Variants in RTL10 observed in about 807,000 individuals in gnomAD.
The protein encoded by RTL10 is protein Bop.
For missense variants in RTL10, 477 were observed against 470.7 expected (o/e 1.01, Z -0.12); for synonymous variants, 199 against 188.4 (o/e 1.06, Z -0.46).
Position 19,848,893 on chromosome 22 carries a change from G to T in RTL10, c.*2274C>A. ...CCTGTCCAGAAGCCTGTGGGACAGG[G>T]TAAAGGTCAGCTGGGTGACTAGGCT... On this transcript the variant is annotated 3_prime_UTR_variant, in exon 3 of 3. Coordinates refer to ENST00000328554, the MANE Select transcript of RTL10 (RefSeq NM_024627.6). 3 of 985,368 alleles carry T rather than the reference G, an allele frequency of 3.0e-6. No homozygotes were observed. Among genetic ancestry groups the T allele is most frequent in the Non-Finnish European group, 3.6e-6 (3 of 829,872 alleles). 61.0% of individuals were successfully genotyped at this position (985,368 alleles called of 1,614,324 possible).
chr22:19,852,050 G>A lies in RTL10; in HGVS notation c.212C>T (p.Thr71Ile), dbSNP rs1938117938. Residue 71 changes from threonine (T) to isoleucine (I), a missense_variant, in exon 3 of 3, where the codon ACT becomes ATT. Coordinates refer to ENST00000328554, the MANE Select transcript of RTL10 (RefSeq NM_024627.6). ...TMEQKSTASG[T>I]CGGKPAERGP... is the part of the protein sequence containing the mutation. ...CCTTTCTGCAGGTTTACCGCCACAA[G>A]TGCCACTAGCTGTGCTCTTCTGCTC... 6.2e-7 allele frequency: 1 copy of A among 1,614,102 alleles called. No homozygotes were observed. The highest frequency in any genetic ancestry group is 8.5e-7 in the Non-Finnish European group (1 of 1,180,048).
chr22:19,851,392 G>C lies in RTL10; in HGVS notation c.870C>G (p.Ser290=), dbSNP rs201085521. Residue 290 remains serine, a synonymous_variant, in exon 3 of 3, where the codon TCC becomes TCG. Coordinates refer to ENST00000328554, the MANE Select transcript of RTL10 (RefSeq NM_024627.6). ...GTGTGGGGGCTGCCTCCTCTGGCTG[G>C]GAAGAGGCTGGTTCCACAGGACCAG... The part of the protein sequence containing the change: ...SKPGPVEPAS[S]QPEEAAPTPV... 1.2e-6 allele frequency: 2 copies of C among 1,614,064 alleles called. No individual in the cohort carries two copies. Among genetic ancestry groups the C allele is most frequent in the African/African-American group, 2.7e-5 (2 of 75,014 alleles).
rs1938039956 is a variant in RTL10 at position 19,849,371 on chromosome 22, T to TG, written c.*1795dup. On this transcript the variant is annotated 3_prime_UTR_variant, in exon 3 of 3. Coordinates refer to ENST00000328554, the MANE Select transcript of RTL10 (RefSeq NM_024627.6). ...TCTAAATAAGGTTTTTGTTTTTTGT[T>TG]GTTTTTTTTTTTTTGGGATGGAGTT... The TG allele has an allele frequency of 1.1e-6, 1 of 879,246 alleles. No individual in the cohort carries two copies. Among genetic ancestry groups the TG allele is most frequent in the Non-Finnish European group, 1.4e-6 (1 of 738,894 alleles). The allele number at this position is 879,246 out of a possible 1,614,324, so 54.5% of individuals were successfully genotyped here.
chr22:19,852,542 G>A, intron 2 of RTL10, 56 bp from the exon 3 acceptor site: 1 of 440,872 alleles, frequency 2.3e-6, no homozygotes, highest in Non-Finnish European at 4.1e-6. Context: ...TCACCCACTG[G>A]ACTGGTGGGA....
chr22:19,851,157 T>C lies in RTL10; in HGVS notation c.*10A>G. The C allele has an allele frequency of 6.3e-7, 1 of 1,581,728 alleles. No individual in the cohort carries two copies. Among genetic ancestry groups the C allele is most frequent in the Non-Finnish European group, 8.6e-7 (1 of 1,162,996 alleles). ...CATGAGGGGCAGCATTGTTCCCACC[T>C]GGGCTGTGTTCAGAACCCAGGAGAA... On this transcript the variant is annotated 3_prime_UTR_variant, in exon 3 of 3. Coordinates refer to ENST00000328554, the MANE Select transcript of RTL10 (RefSeq NM_024627.6).
chr22:19,852,141 G>A lies in RTL10; in HGVS notation c.121C>T (p.Pro41Ser), dbSNP rs770968958. ...CGCTCAATCCAGGGATCCACAAGGG[G>A]GGTGTATGCCACCCCAGGAGACGCC... ...DKASPGVAYT[P>S]LVDPWIERPC... Residue 41 changes from proline (P) to serine (S), a missense_variant, in exon 3 of 3, where the codon CCC becomes TCC. Physicochemically the swap from Pro to Ser is moderately conservative, Grantham distance 74. Transcript: ENST00000328554. The A allele has an allele frequency of 1.9e-6, 3 of 1,614,184 alleles. No individual in the cohort carries two copies. In the East Asian group the frequency reaches 6.7e-5, roughly 36 times the overall value.
Position 19,851,055 on chromosome 22 carries a change from G to T in RTL10, c.*112C>A. 6.9e-7 allele frequency: 1 copy of T among 1,457,576 alleles called. No individual in the cohort carries two copies. The highest frequency in any genetic ancestry group is 1.5e-5 in the South Asian group (1 of 68,210). 90.3% of individuals were successfully genotyped at this position (1,457,576 alleles called of 1,614,324 possible). On this transcript the variant is annotated 3_prime_UTR_variant, in exon 3 of 3. Coordinates refer to ENST00000328554, the MANE Select transcript of RTL10 (RefSeq NM_024627.6). ...ACAAGCGCATCTTGCCCAGCTATGG[G>T]GTCTGAAGTCATCTGGGGACACCAC...
rs907911373 is a variant in RTL10 at position 19,851,441 on chromosome 22, G to A, written c.821C>T (p.Pro274Leu). The A allele has an allele frequency of 1.2e-6, 2 of 1,614,046 alleles. No individual in the cohort carries two copies. Among genetic ancestry groups the A allele is most frequent in the Non-Finnish European group, 8.5e-7 (1 of 1,180,010 alleles). ...AGGCTTGGAGCTACATGTAGAACTG[G>A]GCAGGACTGGGGGCTCCTTGGGCCC... is the stretch of plus-strand genomic sequence containing the variant. Reference protein sequence around the residue: ...TPGPKEPPVLPSSTCSSKPGP... With the variant: ...TPGPKEPPVLLSSTCSSKPGP... The change falls in exon 3 of 3, where the codon CCC (proline) becomes CTC (leucine). Residue 274 changes from proline (P) to leucine (L), a missense_variant. By Grantham distance (98) the Pro-to-Leu change is moderately conservative. Transcript: ENST00000328554.
chr22:19,852,584 C>G (rs926763639), intron 2 of RTL10, 98 bp from the exon 3 acceptor site: 2 of 311,972 alleles, frequency 6.4e-6, no homozygotes, highest in Admixed American at 9.6e-5. Flanking sequence ...CTCTGGTACC[C>G]AACTAGGAGC....
chr22:19,848,952 C>T lies in RTL10; in HGVS notation c.*2215G>A. On this transcript the variant is annotated 3_prime_UTR_variant, in exon 3 of 3. Transcript: ENST00000328554. The stretch of plus-strand genomic sequence containing the variant: ...TAGAGAGCAACTCTGGGTTCTACTG[C>T]CAGACCCACAGGTGAGCCAGGCCAC... 1.0e-6 allele frequency: 1 copy of T among 985,564 alleles called. No individual in the cohort carries two copies. The highest frequency in any genetic ancestry group is 1.2e-6 in the Non-Finnish European group (1 of 830,036). The allele number at this position is 985,564 out of a possible 1,614,324, so 61.1% of individuals were successfully genotyped here.
In RTL10 at chr22:19,851,197, T is replaced by TG; in HGVS notation, c.1064dup (p.Gly356ArgfsTer116). On this transcript the variant is annotated frameshift_variant, in exon 3 of 3. Coordinates refer to ENST00000328554, the MANE Select transcript of RTL10 (RefSeq NM_024627.6). LOFTEE classifies it low-confidence loss of function (END_TRUNC). ...ACCCAGGAGAAAGTGGTGGCTCTCC[T>TG]GGGGTCTCCGGGGCCTCCACCACCT... 6.3e-7 allele frequency: 1 copy of TG among 1,592,270 alleles called. No individual in the cohort carries two copies. The highest frequency in any genetic ancestry group is 1.1e-5 in the South Asian group (1 of 88,320).
intron 2 of RTL10, among the ~76,000 whole-genome samples, chr22:19,853,420 T>C (rs1275632181): frequency 1.3e-5 from 2 of 152,054 alleles, no homozygotes; most frequent in African/African-American, 4.8e-5. Flanking sequence ...GTAGGGCTCT[T>C]ACACTCTGCA....
Position 19,852,004 on chromosome 22 carries a change from C to A in RTL10, c.258G>T (p.Met86Ile). The A allele has an allele frequency of 6.2e-7, 1 of 1,614,188 alleles. No homozygotes were observed. Among genetic ancestry groups the A allele is most frequent in the Non-Finnish European group, 8.5e-7 (1 of 1,180,024 alleles). Residue 86 changes from methionine to isoleucine, a missense_variant, in exon 3 of 3, where the codon ATG (methionine) becomes ATT (isoleucine). Transcript: ENST00000328554. Reference sequence around the variant, plus strand: ...CCACCCTGTGGGGTCGGGAGCTGGGCATGTGCCCAGCTAGGGGACCCCTTT... The same window carrying A: ...CCACCCTGTGGGGTCGGGAGCTGGGAATGTGCCCAGCTAGGGGACCCCTTT... Reference protein sequence around the residue: ...PAERGPLAGHMPSSRPHRVDF... With the variant: ...PAERGPLAGHIPSSRPHRVDF...
Position 19,850,095 on chromosome 22 carries a change from T to C in RTL10, c.*1072A>G, listed in dbSNP as rs1184491476. 6 of 985,640 alleles carry C rather than the reference T, an allele frequency of 6.1e-6. No homozygotes were observed. The highest frequency in any genetic ancestry group is 9.4e-5 in the South Asian group (2 of 21,300). 61.1% of individuals were successfully genotyped at this position (985,640 alleles called of 1,614,324 possible). A position where few individuals can be genotyped will look rare whatever the true frequency, so the allele number is the denominator to read the frequency against. ...CCCTACTCAGCCCCACCCAGCTTCT[T>C]TGATCAGACCCTTGGACCCTCAAAG... is the stretch of plus-strand genomic sequence containing the variant. On this transcript the variant is annotated 3_prime_UTR_variant, in exon 3 of 3. Coordinates refer to ENST00000328554, the MANE Select transcript of RTL10 (RefSeq NM_024627.6).
chr22:19,851,003 C>T lies in RTL10; in HGVS notation c.*164G>A. 3.5e-6 allele frequency: 5 copies of T among 1,415,824 alleles called. No homozygotes were observed. The highest frequency in any genetic ancestry group is 4.6e-6 in the Non-Finnish European group (5 of 1,088,296). 87.7% of individuals were successfully genotyped at this position (1,415,824 alleles called of 1,614,324 possible). A position where few individuals can be genotyped will look rare whatever the true frequency, so the allele number is the denominator to read the frequency against. On this transcript the variant is annotated 3_prime_UTR_variant, in exon 3 of 3. Coordinates refer to ENST00000328554, the MANE Select transcript of RTL10 (RefSeq NM_024627.6). ...TCAAGCTCTGCTGGAGTTGGGGGAG[C>T]TGGTTCTGCTCAGCGCAGAGTCCAA...
Position 19,852,186 on chromosome 22 carries a change from G to A in RTL10, c.76C>T (p.Pro26Ser), listed in dbSNP as rs1455057182. 1.9e-6 allele frequency: 3 copies of A among 1,613,970 alleles called. No homozygotes were observed. In the South Asian group the frequency reaches 3.3e-5, roughly 18 times the overall value. The change falls in exon 3 of 3, where the codon CCA becomes TCA. Residue 26 changes from proline to serine, a missense_variant. Coordinates refer to ENST00000328554, the MANE Select transcript of RTL10 (RefSeq NM_024627.6). ...GACGCCTTGTCCATCTGCTGCCATG[G>A]ATGTGCGTTGGCATAATTGGCGGCT... ...WAAANYANAH[P>S]WQQMDKASPG... is the part of the protein sequence containing the mutation.
chr22:19,852,103 C>T lies in RTL10; in HGVS notation c.159G>A (p.Gly53=). The T allele has an allele frequency of 6.2e-7, 1 of 1,614,222 alleles. No individual in the cohort carries two copies. Among genetic ancestry groups the T allele is most frequent in the Admixed American group, 1.7e-5 (1 of 60,032 alleles). Residue 53 remains glycine (G), a synonymous_variant, in exon 3 of 3, where the codon GGG becomes GGA. Coordinates refer to ENST00000328554, the MANE Select transcript of RTL10 (RefSeq NM_024627.6). ...VDPWIERPCC[G]DTVCVRTTME... is the part of the protein sequence containing the mutation. Reference sequence around the variant, plus strand: ...TGGTCGTTCGCACACACACGGTGTCCCCACAGCAGGGCCGCTCAATCCAGG... The same window carrying T: ...TGGTCGTTCGCACACACACGGTGTCTCCACAGCAGGGCCGCTCAATCCAGG...
At position 19,851,902 on chromosome 22, in the gene RTL10, C is replaced by G. The variant is rs756686301; in HGVS notation, c.360G>C (p.Gln120His). 1 of 1,614,128 alleles carries G rather than the reference C, an allele frequency of 6.2e-7. No homozygotes were observed. Among genetic ancestry groups the G allele is most frequent in the South Asian group, 1.1e-5 (1 of 91,090 alleles). Residue 120 changes from glutamine to histidine, a missense_variant, in exon 3 of 3, where the codon CAG becomes CAC. Physicochemically the swap from Gln to His is conservative, Grantham distance 24. Coordinates refer to ENST00000328554, the MANE Select transcript of RTL10 (RefSeq NM_024627.6). ...AGTGGAAGGACATGTAATCGCCCAG[C>G]TGGGCCAAGAAGCGGTCCAGTAGCC... ...SPWLLDRFLA[Q>H]LGDYMSFHFE...
At position 19,848,906 on chromosome 22, in the gene RTL10, G is replaced by A. The variant is rs1181996545; in HGVS notation, c.*2261C>T. On this transcript the variant is annotated 3_prime_UTR_variant, in exon 3 of 3. Coordinates refer to ENST00000328554, the MANE Select transcript of RTL10 (RefSeq NM_024627.6). ...CTGTGGGACAGGGTAAAGGTCAGCT[G>A]GGTGACTAGGCTGTCCATCCTAGAG... 3.0e-6 allele frequency: 3 copies of A among 985,192 alleles called. No individual in the cohort carries two copies. The highest frequency in any genetic ancestry group is 2.3e-4 in the East Asian group (2 of 8,822). The allele number at this position is 985,192 out of a possible 1,614,324, so 61.0% of individuals were successfully genotyped here. A position where few individuals can be genotyped will look rare whatever the true frequency, so the allele number is the denominator to read the frequency against.
Sources: gnomAD v4.1 joint callset for allele counts (sites outside exome capture counted in the v4.1 genomes callset) on GRCh38, gnomAD v4.1.1 for gene constraint, MANE v1.5 for transcripts, NCBI Gene and HGNC (gene_info 2026-07-23, HGNC 2026-07-21) for gene names.